Variants in RASGEF1C observed in about 807,000 individuals in gnomAD.
RASGEF1C encodes ras-GEF domain-containing family member 1C.
RASGEF1C carries 27 observed loss-of-function variants against 58.1 expected under a neutral mutation model. The observed-to-expected ratio is 0.46, with a 90% CI of 0.34 to 0.64. The LOEUF is 0.64. Ranked by LOEUF, RASGEF1C falls within the 30% of genes least tolerant of loss-of-function variation. RASGEF1C has a pLI of 0.01. For missense variants in RASGEF1C, 502 were observed against 605.1 expected (o/e 0.83, Z 1.79); for synonymous variants, 243 against 246.3 (o/e 0.99, Z 0.13).
intron 1 of RASGEF1C, among the ~76,000 whole-genome samples, chr5:180,163,497 A>AT (rs1247729618): frequency 6.6e-6 from 1 of 151,752 alleles, no homozygotes; most frequent in Non-Finnish European, 1.5e-5. Context: ...TTTCTTACCT[A>AT]TTGTTCAATG....
intron 1 of RASGEF1C, among the ~76,000 whole-genome samples, chr5:180,195,586 C>G (rs1255413252): frequency 6.6e-6 from 1 of 151,940 alleles, no homozygotes; most frequent in African/African-American, 2.4e-5. Context: ...TGGTGAAACC[C>G]CGTCTCTACT....
At chr5:180,103,881 T>G (rs570757793) in intron 12 of RASGEF1C, among the ~76,000 whole-genome samples, 1 of 152,364 alleles carries the variant, frequency 6.6e-6, no homozygotes, top group South Asian at 2.1e-4. Context: ...GTTTTTACCA[T>G]AAATGCGTGT....
chr5:180,208,855 G>C (rs1445199340), intron 1 of RASGEF1C, among the ~76,000 whole-genome samples, 173 bp downstream of exon 1: 1 of 150,610 alleles, frequency 6.6e-6, no homozygotes, highest in African/African-American at 2.4e-5. Context: ...CGCGCCTCCA[G>C]TCCCGGCGGC....
chr5:180,192,354 C>T lies in RASGEF1C; in HGVS notation c.-7+16674G>A, dbSNP rs561238143. 1.5e-4 allele frequency among the ~76,000 whole-genome samples: 23 copies of T among 152,188 alleles called. No homozygotes were observed. The South Asian group carries it at 3.3e-3, about 22-fold the overall frequency. On this transcript the variant is annotated intron_variant, in intron 1 of 13. Coordinates refer to ENST00000361132, the MANE Select transcript of RASGEF1C (RefSeq NM_175062.4). ...CTAAACTAATCATGCCGGATGAAAG[C>T]GGAGGGACGGATGAGCTCAGCGTCC...
At chr5:180,179,990 G>A (rs946274964) in intron 1 of RASGEF1C, among the ~76,000 whole-genome samples, 3 of 152,224 alleles carry the variant, frequency 2.0e-5, no homozygotes, top group Non-Finnish European at 4.4e-5. Context: ...AGGACCGGGC[G>A]AGTGGGCAGA....
At chr5:180,125,922 C>G (rs1166976782) in intron 6 of RASGEF1C, among the ~76,000 whole-genome samples, 1 of 152,168 alleles carries the variant, frequency 6.6e-6, no homozygotes, top group African/African-American at 2.4e-5. Context: ...GGACACCCTA[C>G]AGAAAGTGTG....
Position 180,111,501 on chromosome 5 carries a change from C to G in RASGEF1C, c.1259G>C (p.Ser420Thr). ...GGCGGTGTACAGGTAGTGGGTGATG[C>G]TGGCGTCTTGCTCGAAGGGACACTC... ...QVECPFEQDA[S>T]ITHYLYTAPI... The change falls in exon 12 of 14, where the codon AGC (serine) becomes ACC (threonine). Residue 420 changes from serine to threonine, a missense_variant. Coordinates refer to ENST00000361132, the MANE Select transcript of RASGEF1C (RefSeq NM_175062.4). 2.5e-6 allele frequency: 4 copies of G among 1,614,200 alleles called. No individual in the cohort carries two copies. The highest frequency in any genetic ancestry group is 3.4e-6 in the Non-Finnish European group (4 of 1,180,020).
At chr5:180,120,999 C>T in intron 7 of RASGEF1C, 61 bp downstream of exon 7, 2 of 1,230,596 alleles carry the variant, frequency 1.6e-6, no homozygotes, top group Non-Finnish European at 1.2e-6. Flanking sequence ...CCCGTGGGCT[C>T]CTCCCAACTC....
At position 180,198,083 on chromosome 5, in the gene RASGEF1C, G is replaced by T. The variant is rs1205833892; in HGVS notation, c.-7+10945C>A. On this transcript the variant is annotated intron_variant, in intron 1 of 13. Transcript: ENST00000361132. The surrounding 1 kb of genome is among the most constrained non-coding windows in gnomAD (Gnocchi z 4.5). ...GAGCCTTTCACAGATGAGTCTGTAGGACGCTTCCTGGACAGGCTTATGGGG... is the reference window on the plus strand; with the variant it reads ...GAGCCTTTCACAGATGAGTCTGTAGTACGCTTCCTGGACAGGCTTATGGGG... 6.6e-6 allele frequency among the ~76,000 whole-genome samples: 1 copy of T among 152,226 alleles called. No individual in the cohort carries two copies. The highest frequency in any genetic ancestry group is 1.5e-5 in the Non-Finnish European group (1 of 68,042).
Position 180,137,804 on chromosome 5 carries a change from C to A in RASGEF1C, c.177+72G>T. On this transcript the variant is annotated intron_variant, in intron 2 of 13. Transcript: ENST00000361132. The surrounding 1 kb of genome is among the most constrained non-coding windows in gnomAD (Gnocchi z 4.1). ...GGCCCTGTACCCTGGCCCAAGGTCACGCCCAACCCTGATGCCCCCCGTGCG... is the reference window on the plus strand; with the variant it reads ...GGCCCTGTACCCTGGCCCAAGGTCAAGCCCAACCCTGATGCCCCCCGTGCG... The A allele has an allele frequency of 6.2e-7, 1 of 1,602,394 alleles. No individual in the cohort carries two copies. Among genetic ancestry groups the A allele is most frequent in the East Asian group, 2.2e-5 (1 of 44,740 alleles).
At chr5:180,161,362 T>C (rs1050636652) in intron 1 of RASGEF1C, among the ~76,000 whole-genome samples, 8 of 152,218 alleles carry the variant, frequency 5.3e-5, no homozygotes, top group African/African-American at 1.9e-4. Context: ...GGTGGTTTCC[T>C]CCCTGGAAAG....
At chr5:180,183,586 A>C (rs1019967540) in intron 1 of RASGEF1C, among the ~76,000 whole-genome samples, 8 of 152,166 alleles carry the variant, frequency 5.3e-5, no homozygotes, top group African/African-American at 1.9e-4. Context: ...GCACTTTGGA[A>C]GGCTGAGGCA....
chr5:180,181,575 AGACTGGAGT>A (rs1390616571), intron 1 of RASGEF1C, among the ~76,000 whole-genome samples: 1 of 152,216 alleles, frequency 6.6e-6, no homozygotes, highest in East Asian at 1.9e-4. Flanking sequence ...CTGAGGGCAG[AGACTGGAGT>A]GATGCGGCTT....
In RASGEF1C at chr5:180,197,874, G is replaced by C. The variant is rs143316445; in HGVS notation, c.-7+11154C>G. On this transcript the variant is annotated intron_variant, in intron 1 of 13. Transcript: ENST00000361132. The surrounding 1 kb of genome is among the most constrained non-coding windows in gnomAD (Gnocchi z 4.7). ...CCCAGGTAGATATTTCCTCTGCAGG[G>C]GCACTAATTAGCTGATTCCAAGAGT... Among the ~76,000 whole-genome samples, 1,432 of 152,284 alleles carry C rather than the reference G, an allele frequency of 9.4e-3. 35 individuals are homozygous for C. The highest frequency in any genetic ancestry group is 0.088 in the South Asian group (424 of 4,824).
intron 1 of RASGEF1C, among the ~76,000 whole-genome samples, chr5:180,139,238 G>T (rs1329843086): frequency 6.6e-6 from 1 of 152,176 alleles, no homozygotes; most frequent in Non-Finnish European, 1.5e-5. Flanking sequence ...CCCTCACAGT[G>T]ACGCATCCTG....
intron 1 of RASGEF1C, among the ~76,000 whole-genome samples, chr5:180,138,714 C>G (rs747954397): frequency 3.9e-5 from 6 of 152,184 alleles, no homozygotes; most frequent in Non-Finnish European, 7.4e-5. Flanking sequence ...ATTCTGGGCT[C>G]TTTGTGATTT....
At chr5:180,112,357 G>C (rs574267417) in intron 11 of RASGEF1C, among the ~76,000 whole-genome samples, 1 of 152,370 alleles carries the variant, frequency 6.6e-6, no homozygotes, top group South Asian at 2.1e-4. Flanking sequence ...TCTGTGAGGA[G>C]GGCAGCTCCA....
chr5:180,180,754 T>C (rs1283659216), intron 1 of RASGEF1C, among the ~76,000 whole-genome samples: 1 of 152,186 alleles, frequency 6.6e-6, no homozygotes, highest in African/African-American at 2.4e-5. Flanking sequence ...ATAACCTACA[T>C]CCTGGAAAGC....
At chr5:180,160,160 T>C (rs1219983258) in intron 1 of RASGEF1C, among the ~76,000 whole-genome samples, 1 of 152,214 alleles carries the variant, frequency 6.6e-6, no homozygotes, top group African/African-American at 2.4e-5. Flanking sequence ...AGGTGTTTCC[T>C]GCAAATCTCG....
Sources: allele counts gnomAD v4.1 joint callset (sites outside exome capture counted in the v4.1 genomes callset), GRCh38; gene constraint gnomAD v4.1.1; non-coding constraint Gnocchi (gnomAD v3.1); transcripts MANE v1.5; gene names NCBI Gene and HGNC (gene_info 2026-07-23, HGNC 2026-07-21).